The following PTPRJ variants were observed in gnomAD, a reference collection of about 807,000 sequenced individuals.
The protein encoded by PTPRJ is protein tyrosine phosphatase receptor type J, also known as receptor-type tyrosine-protein phosphatase eta.
PTPRJ carries 129 observed loss-of-function variants against 141.3 expected under a neutral mutation model. The ratio of observed to expected loss-of-function variants is 0.91; its 90% confidence interval spans 0.79 to 1.06. The LOEUF (loss-of-function observed/expected upper bound fraction) is 1.06. Among genes scored for constraint, PTPRJ ranks in the 50% least tolerant of loss-of-function variants. The pLI is 0.00. For synonymous variants in PTPRJ, 610 were observed against 640.5 expected (o/e 0.95, Z 0.72); for missense variants, 1,601 against 1,679.7 (o/e 0.95, Z 0.82).
intron 7 of PTPRJ, among the ~76,000 whole-genome samples, chr11:48,129,665 C>T (rs76826202): frequency 6.6e-6 from 1 of 152,118 alleles, no homozygotes; most frequent in African/African-American, 2.4e-5. Flanking sequence ...CCTGGAGAGT[C>T]ACCACCTTGG....
intron 1 of PTPRJ, among the ~76,000 whole-genome samples, chr11:47,997,147 G>A (rs1854358967): frequency 6.6e-6 from 1 of 152,196 alleles, no homozygotes; most frequent in Non-Finnish European, 1.5e-5. Context: ...CCCGTAGGAT[G>A]TCCTGCAGCC....
chr11:48,088,844 A>C (rs1390001644), intron 1 of PTPRJ, among the ~76,000 whole-genome samples: 1 of 152,156 alleles, frequency 6.6e-6, no homozygotes, highest in Non-Finnish European at 1.5e-5. Flanking sequence ...TGCTTGGCTC[A>C]GGGTGATGTT....
intron 1 of PTPRJ, among the ~76,000 whole-genome samples, chr11:48,093,738 C>T (rs964472396): frequency 2.6e-5 from 4 of 151,166 alleles, no homozygotes; most frequent in South Asian, 2.1e-4. Context: ...CTATTTTATC[C>T]GAGTTTATTT....
At chr11:48,077,341 GTTC>G (rs1339544015) in intron 1 of PTPRJ, among the ~76,000 whole-genome samples, 2 of 152,164 alleles carry the variant, frequency 1.3e-5, no homozygotes, top group Admixed American at 1.3e-4. Flanking sequence ...CTCACACCCA[GTTC>G]TTCTTGGAGC....
At chr11:48,166,025 T>G (rs1406526716) in intron 24 of PTPRJ, among the ~76,000 whole-genome samples, 1 of 150,234 alleles carries the variant, frequency 6.7e-6, no homozygotes, top group Non-Finnish European at 1.5e-5. Flanking sequence ...CATGCCCAGC[T>G]AATTTTTTTT....
chr11:48,135,966 G>C, intron 8 of PTPRJ, 73 bp from the exon 9 acceptor site: 1 of 1,535,052 alleles, frequency 6.5e-7, no homozygotes, highest in Admixed American at 1.8e-5. Flanking sequence ...AGGTCCTCTC[G>C]ACAGCACTTG....
chr11:48,125,126 G>A lies in PTPRJ; in HGVS notation c.1033G>A (p.Val345Ile), dbSNP rs779603711. 7.1e-5 allele frequency: 115 copies of A among 1,613,958 alleles called. No homozygotes were observed. The highest frequency in any genetic ancestry group is 2.2e-4 in the South Asian group (20 of 91,082). ...LEPGTRYNAT[V>I]YSQAANGTEG... ...GCCTGGCACCCGATACAATGCCACCGTTTATTCCCAAGCAGCGAATGGCAC... is the reference window on the plus strand; with the variant it reads ...GCCTGGCACCCGATACAATGCCACCATTTATTCCCAAGCAGCGAATGGCAC... The change falls in exon 6 of 25, where the codon GTT (valine) becomes ATT (isoleucine). Residue 345 changes from valine (V) to isoleucine (I), a missense_variant. Coordinates refer to ENST00000418331, the MANE Select transcript of PTPRJ (RefSeq NM_002843.4).
intron 10 of PTPRJ, 106 bp downstream of exon 10, chr11:48,137,387 T>C: frequency 5.6e-6 from 7 of 1,256,812 alleles, no homozygotes; most frequent in Non-Finnish European, 7.7e-6. Flanking sequence ...TGATGTGCAG[T>C]GATGGACATT....
intron 1 of PTPRJ, among the ~76,000 whole-genome samples, chr11:48,069,156 G>A (rs1398249270): frequency 1.3e-5 from 2 of 151,058 alleles, no homozygotes; most frequent in African/African-American, 4.9e-5. Context: ...CTGGAGTGCA[G>A]TGGGGTGATC....
chr11:48,137,629 A>C (rs931253269), intron 10 of PTPRJ, among the ~76,000 whole-genome samples: 4 of 152,128 alleles, frequency 2.6e-5, no homozygotes, highest in African/African-American at 9.7e-5. Context: ...AGCCATGTGG[A>C]TATCAGGGCA....
chr11:48,065,419 C>G (rs1365120703), intron 1 of PTPRJ, among the ~76,000 whole-genome samples: 3 of 152,174 alleles, frequency 2.0e-5, no homozygotes, highest in African/African-American at 4.8e-5. Context: ...CTGCCTTCTT[C>G]TTGTCTTCAT....
In PTPRJ at chr11:48,167,553, G is replaced by A. The variant is rs1160426142; in HGVS notation, c.*191G>A. On this transcript the variant is annotated 3_prime_UTR_variant, in exon 25 of 25. Coordinates refer to ENST00000418331, the MANE Select transcript of PTPRJ (RefSeq NM_002843.4). ...TGGGGCTGTCGGGGGCTGTGGATGG[G>A]TGGGGAGCAAATCATCTGCATTCCT... 3.8e-6 allele frequency: 2 copies of A among 528,168 alleles called. No individual in the cohort carries two copies. The highest frequency in any genetic ancestry group is 2.0e-5 in the African/African-American group (1 of 50,618). 32.7% of individuals were successfully genotyped at this position (528,168 alleles called of 1,614,324 possible). A position where few individuals can be genotyped will look rare whatever the true frequency, so the allele number is the denominator to read the frequency against.
intron 1 of PTPRJ, among the ~76,000 whole-genome samples, chr11:48,012,972 G>C (rs776091241): frequency 6.6e-5 from 10 of 152,050 alleles, no homozygotes; most frequent in Middle Eastern, 6.8e-3. Flanking sequence ...GGGTGTGGTG[G>C]TGTGTGCCTG....
intron 1 of PTPRJ, among the ~76,000 whole-genome samples, chr11:48,102,341 T>A (rs879778077): frequency 3.3e-5 from 5 of 152,152 alleles, no homozygotes; most frequent in Admixed American, 2.6e-4. Context: ...ATGTCTTTAA[T>A]GTGGCCAAAT....
Position 48,142,908 on chromosome 11 carries a change from T to A in PTPRJ, c.2444-11T>A, listed in dbSNP as rs1378600191. The A allele has an allele frequency of 2.5e-6, 4 of 1,611,018 alleles. No homozygotes were observed. The highest frequency in any genetic ancestry group is 3.4e-6 in the Non-Finnish European group (4 of 1,178,552). ...TATTGGGTGATCATGTTTTGTTTTG[T>A]TTTGTTTTAGATCCCCCTCCTCCAG... On this transcript the variant is annotated splice_polypyrimidine_tract_variant and intron_variant, in intron 11 of 24. Transcript: ENST00000418331.
In PTPRJ at chr11:48,012,924, G is replaced by A. The variant is rs535238589; in HGVS notation, c.96+31916G>A. On this transcript the variant is annotated intron_variant, in intron 1 of 24. Coordinates refer to ENST00000418331, the MANE Select transcript of PTPRJ (RefSeq NM_002843.4). Reference sequence around the variant, plus strand: ...GCTTGAGACCAACCTGGCCAACATCGTGAAACCCCATCTCTACTAAAAATA... The same window carrying A: ...GCTTGAGACCAACCTGGCCAACATCATGAAACCCCATCTCTACTAAAAATA... Among the ~76,000 whole-genome samples, 5 of 152,058 alleles carry A rather than the reference G, an allele frequency of 3.3e-5. No homozygotes were observed. In the South Asian group the frequency reaches 6.2e-4, roughly 19 times the overall value.
At chr11:48,077,753 CT>C (rs1192714496) in intron 1 of PTPRJ, among the ~76,000 whole-genome samples, 1 of 152,228 alleles carries the variant, frequency 6.6e-6, no homozygotes, top group Non-Finnish European at 1.5e-5. Context: ...CCTATTCAAC[CT>C]TCAAGACCTG....
At chr11:48,077,906 T>C (rs1349104463) in intron 1 of PTPRJ, among the ~76,000 whole-genome samples, 1 of 152,228 alleles carries the variant, frequency 6.6e-6, no homozygotes, top group Non-Finnish European at 1.5e-5. Context: ...CTTATCTCCC[T>C]GCAAATTGTA....
Position 48,127,872 on chromosome 11 carries a change from A to G in PTPRJ, c.1186A>G (p.Asn396Asp). The change falls in exon 7 of 25, where the codon AAC (asparagine) becomes GAC (aspartate). Residue 396 changes from asparagine to aspartate, a missense_variant. Coordinates refer to ENST00000418331, the MANE Select transcript of PTPRJ (RefSeq NM_002843.4). ...WKVSDNESSS[N>D]YTYKIHVAGE... is the part of the protein sequence containing the mutation. The stretch of plus-strand genomic sequence containing the variant: ...AGTCAGCGATAACGAGTCGTCATCT[A>G]ACTATACCTACAAGATACATGTGGC... 6.2e-7 allele frequency: 1 copy of G among 1,614,192 alleles called. No homozygotes were observed.
Sources: gnomAD v4.1 joint callset for allele counts (sites outside exome capture counted in the v4.1 genomes callset) on GRCh38, gnomAD v4.1.1 for gene constraint, MANE v1.5 for transcripts, NCBI Gene and HGNC (gene_info 2026-07-23, HGNC 2026-07-21) for gene names.